Variants in ZACN observed in about 807,000 individuals in gnomAD.
ZACN encodes the protein ligand-gated cation channel ZACN.
ZACN carries 52 observed loss-of-function variants against 38.9 expected under a neutral mutation model. That is an observed-to-expected ratio of 1.34 (90% CI 1.07 to 1.68). ZACN has a LOEUF of 1.68. Ranked by LOEUF, ZACN falls within the 40% of genes most tolerant of loss-of-function variation. ZACN has a pLI of 0.00. For synonymous variants in ZACN, 235 were observed against 227.4 expected, an observed-to-expected ratio of 1.03 and a Z score of -0.30; for missense variants, 559 against 525.6, an observed-to-expected ratio of 1.06 and a Z score of -0.62.
In ZACN at chr17:76,081,625, C is replaced by T. The variant is rs569770443; in HGVS notation, c.750C>T (p.Cys250=). Residue 250 remains cysteine, a synonymous_variant, in exon 7 of 9, where the codon TGC becomes TGT. Transcript: ENST00000334586. ...AGGCACTGCTGTTGGCTGACGTGTGCGGGGGGTTGCTGCCCCTCCGGGCCA... is the reference window on the plus strand; with the variant it reads ...AGGCACTGCTGTTGGCTGACGTGTGTGGGGGGTTGCTGCCCCTCCGGGCCA... ...PAEALLLADV[C]GGLLPLRAIE... 21 of 1,614,084 alleles carry T rather than the reference C, an allele frequency of 1.3e-5. No homozygotes were observed. In the Middle Eastern group the frequency reaches 2.3e-3, roughly 178 times the overall value.
rs757934380 is a variant in ZACN at position 76,081,995 on chromosome 17, GC to G, written c.998del (p.Pro333ArgfsTer23). The G allele has an allele frequency of 9.9e-6, 16 of 1,611,932 alleles. No individual in the cohort carries two copies. The highest frequency in any genetic ancestry group is 1.4e-5 in the Non-Finnish European group (16 of 1,179,610). ...NLGAKSGPSPAPRGEQREHGN... is the reference protein window; with the variant it reads ...NLGAKSGPSPXPRGEQREHGN... Reference sequence around the variant, plus strand: ...TGGGGCCAAGAGCGGCCCCAGCCCAGCCCCGAGAGGGGAACAGCGAGAGCAC... The same window carrying G: ...TGGGGCCAAGAGCGGCCCCAGCCCAGCCCGAGAGGGGAACAGCGAGAGCAC... On this transcript the variant is annotated frameshift_variant, in exon 8 of 9. Coordinates refer to ENST00000334586, the MANE Select transcript of ZACN (RefSeq NM_180990.4). LOFTEE classifies it high-confidence loss of function.
At position 76,082,331 on chromosome 17, in the gene ZACN, A is replaced by G. The variant is rs999488974; in HGVS notation, c.1049-132A>G. On this transcript the variant is annotated intron_variant, in intron 8 of 8. Transcript: ENST00000334586. ...AACTGAAGATGGCCTGAAATGGGCCAGACCCAAATTTTCATCAGCTGAGAA... is the reference window on the plus strand; with the variant it reads ...AACTGAAGATGGCCTGAAATGGGCCGGACCCAAATTTTCATCAGCTGAGAA... The G allele has an allele frequency of 1.3e-5, 14 of 1,037,418 alleles. No individual in the cohort carries two copies. The African/African-American group carries it at 2.3e-4, about 17-fold the overall frequency. 64.3% of individuals were successfully genotyped at this position (1,037,418 alleles called of 1,614,324 possible).
At chr17:76,080,720 C>T (rs535132372) in intron 5 of ZACN, 36 of 545,634 alleles carry the variant, frequency 6.6e-5, no homozygotes, top group Non-Finnish European at 1.2e-4. Context: ...TCTGCAATCC[C>T]AGAGGTCCGA....
chr17:76,080,450 G>A, intron 5 of ZACN, 26 bp downstream of exon 5: 2 of 1,611,540 alleles, frequency 1.2e-6, no homozygotes, highest in Non-Finnish European at 1.7e-6. Context: ...GGGCTGCAGG[G>A]TTGAGGAGGG....
At chr17:76,080,979 T>C (rs977714401) in intron 5 of ZACN, 9 of 401,272 alleles carry the variant, frequency 2.2e-5, no homozygotes, top group East Asian at 1.3e-4. Context: ...TGTGAGATGA[T>C]AGACTGACGA....
rs1323369023 is a variant in ZACN at position 76,082,652 on chromosome 17, A to G, written c.1238A>G (p.Ter413=). ...AAPHGRRPRL[*] ...CCCCATGGCAGGCGGCCTAGACTGT[A>G]AAGGGGCAGGGCCTGGGCTGCACAC... The change falls in exon 9 of 9, where the codon TAA becomes TGA. Residue 413 remains the stop codon, a stop_retained_variant. Coordinates refer to ENST00000334586, the MANE Select transcript of ZACN (RefSeq NM_180990.4). The G allele has an allele frequency of 6.2e-7, 1 of 1,609,624 alleles. No individual in the cohort carries two copies. The highest frequency in any genetic ancestry group is 1.1e-5 in the South Asian group (1 of 90,586).
chr17:76,082,552 T>C lies in ZACN; in HGVS notation c.1138T>C (p.Cys380Arg), dbSNP rs749628278. ...FFLVYVVGVL[C>R]TQFVFAGIWM... ...CCTCGTGTATGTGGTTGGGGTGCTG[T>C]GCACCCAATTCGTCTTTGCAGGAAT... is the stretch of plus-strand genomic sequence containing the variant. Residue 380 changes from cysteine to arginine, a missense_variant, in exon 9 of 9, where the codon TGC (cysteine) becomes CGC (arginine). Transcript: ENST00000334586. 10 of 1,613,762 alleles carry C rather than the reference T, an allele frequency of 6.2e-6. No individual in the cohort carries two copies. In the South Asian group the frequency reaches 9.9e-5, roughly 16 times the overall value.
Position 76,080,430 on chromosome 17 carries a change from G to T in ZACN, c.544+6G>T, listed in dbSNP as rs746762631. On this transcript the variant is annotated splice_donor_region_variant and intron_variant, in intron 5 of 8. Coordinates refer to ENST00000334586, the MANE Select transcript of ZACN (RefSeq NM_180990.4). ...CTACGCTCTCAGCAACACGGGTGCT[G>T]ACAGGGCAGGGGCTGCAGGGTTGAG... 35 of 1,613,238 alleles carry T rather than the reference G, an allele frequency of 2.2e-5. No individual in the cohort carries two copies. The highest frequency in any genetic ancestry group is 8.5e-7 in the Non-Finnish European group (1 of 1,179,968).
chr17:76,079,404 A>G, intron 1 of ZACN, 35 bp from the exon 2 acceptor site: 2 of 1,614,038 alleles, frequency 1.2e-6, no homozygotes, highest in Middle Eastern at 1.7e-4. Flanking sequence ...CTTGGGCCCT[A>G]GGGCACCTGA....
Position 76,081,319 on chromosome 17 carries a change from G to A in ZACN, c.586G>A (p.Val196Met). 2.5e-6 allele frequency: 4 copies of A among 1,614,164 alleles called. No homozygotes were observed. Among genetic ancestry groups the A allele is most frequent in the Non-Finnish European group, 3.4e-6 (4 of 1,180,028 alleles). The change falls in exon 6 of 9, where the codon GTG becomes ATG. Residue 196 changes from valine (V) to methionine (M), a missense_variant. By Grantham distance (21) the Val-to-Met change is conservative. Transcript: ENST00000334586. ...CCAGGCCCACGTGGTGAACGAGATT[G>A]TGAGTGTCAAGAGGGAATACGTAGT... Reference protein sequence around the residue: ...EFQAHVVNEIVSVKREYVVYD... With the variant: ...EFQAHVVNEIMSVKREYVVYD...
intron 8 of ZACN, 58 bp from the exon 9 acceptor site, chr17:76,082,405 C>T: frequency 1.3e-6 from 2 of 1,506,942 alleles, no homozygotes; most frequent in Non-Finnish European, 1.8e-6. Context: ...GTTCGCTCTT[C>T]CGCTCATGTT....
At position 76,079,398 on chromosome 17, in the gene ZACN, G is replaced by C. The variant is rs1241268581; in HGVS notation, c.97+37G>C. ...GCAAGGTCATAAGCTTTGGGACTTGGGCCCTAGGGCACCTGAGTGACCTTG... is the reference window on the plus strand; with the variant it reads ...GCAAGGTCATAAGCTTTGGGACTTGCGCCCTAGGGCACCTGAGTGACCTTG... On this transcript the variant is annotated intron_variant, in intron 1 of 8. Transcript: ENST00000334586. 7 of 1,613,860 alleles carry C rather than the reference G, an allele frequency of 4.3e-6. No homozygotes were observed. The South Asian group carries it at 5.5e-5, about 13-fold the overall frequency.
In ZACN at chr17:76,079,875, CTT is replaced by C. The variant is rs746589365; in HGVS notation, c.268-12_268-11del. On this transcript the variant is annotated splice_polypyrimidine_tract_variant and intron_variant, in intron 3 of 8. Transcript: ENST00000334586. ...GGAGAGCAGGAGCCTCAGTGGTGCCCTTGTGTCCCCAGTCCTGGCTGGACACT... is the reference window on the plus strand; with the variant it reads ...GGAGAGCAGGAGCCTCAGTGGTGCCCGTGTCCCCAGTCCTGGCTGGACACT... 7 of 1,587,596 alleles carry C rather than the reference CTT, an allele frequency of 4.4e-6. No individual in the cohort carries two copies. The highest frequency in any genetic ancestry group is 6.0e-6 in the Non-Finnish European group (7 of 1,166,450).
Position 76,079,914 on chromosome 17 carries a change from GA to G in ZACN, c.296del (p.Asn99ThrfsTer41). ...CCTGGCTGGACACTCGCCTGGCCTG[GA>G]ACACTAGTGCACACCCGCGGCACGC... ...LSWLDTRLAW[N>X]TSAHPRHAIT... On this transcript the variant is annotated frameshift_variant, in exon 4 of 9. Coordinates refer to ENST00000334586, the MANE Select transcript of ZACN (RefSeq NM_180990.4). LOFTEE classifies it high-confidence loss of function. The G allele has an allele frequency of 1.3e-6, 2 of 1,599,558 alleles. No individual in the cohort carries two copies. The highest frequency in any genetic ancestry group is 1.7e-6 in the Non-Finnish European group (2 of 1,173,016).
At chr17:76,082,277 C>G in intron 8 of ZACN, 186 bp from the exon 9 acceptor site, 2 of 771,554 alleles carry the variant, frequency 2.6e-6, no homozygotes, top group Non-Finnish European at 4.0e-6. Flanking sequence ...ATAACCCATG[C>G]CTTGCACAGC....
chr17:76,080,090 C>G (rs1051488215), intron 4 of ZACN, 96 bp downstream of exon 4: 11 of 1,474,976 alleles, frequency 7.5e-6, no homozygotes, highest in Non-Finnish European at 1.0e-5. Flanking sequence ...ATATGACCCT[C>G]CTGGCGGTCC....
intron 8 of ZACN, 23 bp downstream of exon 8, chr17:76,082,072 G>A: frequency 6.3e-7 from 1 of 1,581,262 alleles, no homozygotes; most frequent in Non-Finnish European, 8.6e-7. Flanking sequence ...TGGGGGGTAA[G>A]GAATGAGGCC....
In ZACN at chr17:76,081,910, G is replaced by C; in HGVS notation, c.909G>C (p.Leu303=). The part of the protein sequence containing the change: ...LIYYFTILLL[L]LFLSTIETVL... The stretch of plus-strand genomic sequence containing the variant: ...ACTACTTCACCATCCTGCTGCTGCT[G>C]CTCTTCCTCAGCACCATAGAGACTG... Residue 303 remains leucine (L), a synonymous_variant, in exon 8 of 9, where the codon CTG becomes CTC. Coordinates refer to ENST00000334586, the MANE Select transcript of ZACN (RefSeq NM_180990.4). The C allele has an allele frequency of 6.2e-7, 1 of 1,611,162 alleles. No homozygotes were observed.
At chr17:76,079,385 G>A in intron 1 of ZACN, 24 bp downstream of exon 1, 1 of 1,614,098 alleles carries the variant, frequency 6.2e-7, no homozygotes, top group Non-Finnish European at 8.5e-7. Context: ...AAGGTCATAA[G>A]CTTTGGGACT....
Sources: gnomAD v4.1 joint callset for allele counts on GRCh38, gnomAD v4.1.1 for gene constraint, MANE v1.5 for transcripts, NCBI Gene and HGNC (gene_info 2026-07-23, HGNC 2026-07-21) for gene names.